The following CCDC32 variants were observed in gnomAD, a reference collection of about 807,000 sequenced individuals.
CCDC32 encodes coiled-coil domain containing 32, also known as coiled-coil domain-containing protein 32.
In CCDC32, 9 loss-of-function variants were observed where a neutral mutation model predicts 20.1. The observed-to-expected ratio is 0.45, with a 90% confidence interval of 0.27 to 0.78. CCDC32 has a LOEUF of 0.78. CCDC32 is among the 30% of genes least tolerant of loss of function. The probability of loss-of-function intolerance (pLI) is 0.16; values close to 1 mark genes in which losing one functional copy is unlikely to be tolerated. For missense variants in CCDC32, 204 were observed against 215.5 expected, an observed-to-expected ratio of 0.95 and a Z score of 0.33; for synonymous variants, 63 against 79.0, an observed-to-expected ratio of 0.80 and a Z score of 1.07.
intron 2 of CCDC32, among the ~76,000 whole-genome samples, chr15:40,561,506 A>C (rs576782764): frequency 2.0e-5 from 3 of 152,072 alleles, no homozygotes; most frequent in East Asian, 1.9e-4. Flanking sequence ...CCAAAAAAAA[A>C]ACAAAACACA....
chr15:40,550,212 C>T (rs1416778321), downstream of CCDC32, among the ~76,000 whole-genome samples: 1 of 152,166 alleles, frequency 6.6e-6, no homozygotes, highest in Non-Finnish European at 1.5e-5. Context: ...TGGTGATTAC[C>T]CTCCCCTGGC....
chr15:40,558,986 TAGA>T (rs1453843516), intron 2 of CCDC32, among the ~76,000 whole-genome samples: 21 of 152,060 alleles, frequency 1.4e-4, no homozygotes, highest in Non-Finnish European at 2.5e-4. Context: ...GTATTTTTAG[TAGA>T]AACAGGATTT....
chr15:40,558,065 C>A (rs1416316462), intron 2 of CCDC32: 3 of 152,190 alleles, frequency 2.0e-5, no homozygotes, highest in Admixed American at 2.0e-4. Flanking sequence ...TTAAATTACT[C>A]TTGTTTGCAT....
At chr15:40,541,504 G>A (rs1889393277) in intron 3 of CCDC32, among the ~76,000 whole-genome samples, 1 of 152,110 alleles carries the variant, frequency 6.6e-6, no homozygotes, top group African/African-American at 2.4e-5. Context: ...GCTAATTTTT[G>A]TATTTTTAGT....
At chr15:40,530,399 G>T (rs1384681403), downstream of CCDC32, among the ~76,000 whole-genome samples, 4 of 150,582 alleles carry the variant, frequency 2.7e-5, no homozygotes, top group African/African-American at 9.7e-5. Flanking sequence ...CTGTCCTTAT[G>T]GTAGTGAGTG....
exon 4 of CCDC32, chr15:40,539,274 C>A: frequency 6.5e-7 from 1 of 1,535,640 alleles, no homozygotes; most frequent in African/African-American, 1.4e-5. Flanking sequence ...TCCTTCGCCA[C>A]CTCTGCTCAG....
At chr15:40,535,616 A>G (rs557629218), downstream of CCDC32, 304 of 985,472 alleles carry the variant, frequency 3.1e-4, 2 homozygotes, top group African/African-American at 5.0e-3. Flanking sequence ...CAACCAAAAA[A>G]AAAAAAGAAA....
At chr15:40,544,276 C>A (rs1320229506) in intron 3 of CCDC32, among the ~76,000 whole-genome samples, 1 of 152,130 alleles carries the variant, frequency 6.6e-6, no homozygotes, top group Non-Finnish European at 1.5e-5. Context: ...TGCGGTAGGG[C>A]AATCATAGCT....
the CCDC32 span, among the ~76,000 whole-genome samples, chr15:40,523,179 C>G: frequency 4.6e-5 from 7 of 151,514 alleles, no homozygotes; most frequent in Non-Finnish European, 7.4e-5. Flanking sequence ...AGCCACTGTA[C>G]CTGGCCAGCT....
At chr15:40,539,840 C>CCACACACA (rs142688774) in intron 3 of CCDC32, among the ~76,000 whole-genome samples, 6,683 of 134,546 alleles carry the variant, frequency 0.05, 225 homozygotes, top group East Asian at 0.077. Flanking sequence ...CAAACTGTTG[C>CCACACACA]CACACACACA....
downstream of CCDC32, chr15:40,538,067 C>G (rs1410210798): frequency 6.6e-6 from 1 of 152,284 alleles, no homozygotes; most frequent in African/African-American, 2.4e-5. Flanking sequence ...CTGCGGTCCC[C>G]TCTCCTGCCA....
chr15:40,522,249 T>C, the CCDC32 span, among the ~76,000 whole-genome samples: 3 of 152,214 alleles, frequency 2.0e-5, no homozygotes, highest in Non-Finnish European at 4.4e-5. Context: ...GACACTCTTG[T>C]TGAAAATCAA....
chr15:40,536,680 T>G (rs1170912376), downstream of CCDC32: 1 of 152,240 alleles, frequency 6.6e-6, no homozygotes, highest in East Asian at 1.9e-4. Context: ...CTGGCTCACA[T>G]CCCAGAACAG....
intron 2 of CCDC32, among the ~76,000 whole-genome samples, chr15:40,558,673 G>A (rs1000091456): frequency 6.6e-6 from 1 of 152,100 alleles, no homozygotes; most frequent in African/African-American, 2.4e-5. Context: ...CCATGCCATA[G>A]GCAACAGAAA....
At chr15:40,549,475 T>A (rs1028158248), downstream of CCDC32, among the ~76,000 whole-genome samples, 2 of 152,150 alleles carry the variant, frequency 1.3e-5, no homozygotes, top group African/African-American at 4.8e-5. Context: ...TAACACGGCC[T>A]CTCTCCTACC....
downstream of CCDC32, among the ~76,000 whole-genome samples, chr15:40,524,882 A>C (rs1474838716): frequency 6.7e-6 from 1 of 149,360 alleles, no homozygotes; most frequent in Non-Finnish European, 1.5e-5. Flanking sequence ...CTATGCCACT[A>C]TGCCCAGCTA....
chr15:40,554,155 C>A, intron 3 of CCDC32, 28 bp from the exon 4 acceptor site: 1 of 1,599,638 alleles, frequency 6.3e-7, no homozygotes, highest in South Asian at 1.1e-5. Context: ...AAAAGGGTGG[C>A]TGTGTCAGAC....
At chr15:40,552,235 A>G (rs1198131883), downstream of CCDC32, among the ~76,000 whole-genome samples, 1 of 152,078 alleles carries the variant, frequency 6.6e-6, no homozygotes, top group Non-Finnish European at 1.5e-5. Flanking sequence ...TAATCCCAGC[A>G]CTTTGGGAGG....
chr15:40,557,009 G>A, intron 3 of CCDC32: 1 of 520,866 alleles, frequency 1.9e-6, no homozygotes, highest in South Asian at 3.1e-5. Context: ...AGACTGATTA[G>A]TTACTACTTT....
Sources: gnomAD v4.1 joint callset for allele counts (sites outside exome capture counted in the v4.1 genomes callset) on GRCh38, gnomAD v4.1.1 for gene constraint, MANE v1.5 for transcripts, NCBI Gene and HGNC (gene_info 2026-07-23, HGNC 2026-07-21) for gene names.